The following GNAI1 variants were observed in gnomAD, a reference collection of about 807,000 sequenced individuals.
GNAI1 encodes G protein subunit alpha i1, also known as guanine nucleotide-binding protein G(i) subunit alpha-1.
Under a neutral mutation model 38.9 loss-of-function variants are expected in GNAI1, and 11 were observed. That is an observed-to-expected ratio of 0.28 (90% CI 0.18 to 0.47). The LOEUF is 0.47. GNAI1 is among the 20% of genes least tolerant of loss of function. The pLI, the probability that GNAI1 is intolerant of heterozygous loss-of-function variation, is 0.99. For synonymous variants in GNAI1, 166 were observed against 145.1 expected, an observed-to-expected ratio of 1.14 and a Z score of -1.04; for missense variants, 317 against 436.9, an observed-to-expected ratio of 0.73 and a Z score of 2.45.
intron 1 of GNAI1, among the ~76,000 whole-genome samples, chr7:80,146,310 A>G (rs1787622288): frequency 6.6e-6 from 1 of 152,170 alleles, no homozygotes; most frequent in Non-Finnish European, 1.5e-5. Context: ...CTGGGAAAGT[A>G]AGGCACTTGT....
rs942123122 is a variant in GNAI1 at position 80,225,603 on chromosome 7, G to A, written c.*8110G>A. 7.2e-5 allele frequency among the ~76,000 whole-genome samples: 11 copies of A among 152,156 alleles called. No homozygotes were observed. The highest frequency in any genetic ancestry group is 1.7e-4 in the African/African-American group (7 of 41,418). On this transcript the variant is annotated 3_prime_UTR_variant, in exon 8 of 8. Coordinates refer to ENST00000649796, the MANE Select transcript of GNAI1 (RefSeq NM_002069.6). ...TGGAAAGAGTAGCTCCCTGGAGTGT[G>A]GAGGAGGACAGGAATTTGCTATCTG... is the stretch of plus-strand genomic sequence containing the variant.
At chr7:80,212,006 T>C (rs1463330318) in intron 6 of GNAI1, among the ~76,000 whole-genome samples, 2 of 152,156 alleles carry the variant, frequency 1.3e-5, no homozygotes, top group East Asian at 1.9e-4. Flanking sequence ...CTTTTTCCTA[T>C]GTGTGGGTTC....
At chr7:80,165,799 T>G (rs913490369) in intron 1 of GNAI1, among the ~76,000 whole-genome samples, 2 of 152,266 alleles carry the variant, frequency 1.3e-5, no homozygotes, top group East Asian at 1.9e-4. Context: ...AAATTTCTGA[T>G]TTGGAAATAA....
intron 5 of GNAI1, among the ~76,000 whole-genome samples, chr7:80,209,137 T>G (rs1294163494): frequency 6.6e-6 from 1 of 152,240 alleles, no homozygotes; most frequent in African/African-American, 2.4e-5. Context: ...TGCTTAAATA[T>G]TCTTCTACCT....
intron 3 of GNAI1, among the ~76,000 whole-genome samples, chr7:80,197,768 G>A (rs1343990758): frequency 2.6e-5 from 4 of 152,036 alleles, no homozygotes; most frequent in Non-Finnish European, 5.9e-5. Context: ...CTCATGCTGA[G>A]AGACTTAATT....
intron 1 of GNAI1, among the ~76,000 whole-genome samples, chr7:80,164,679 A>G (rs1787983845): frequency 6.6e-6 from 1 of 152,194 alleles, no homozygotes. Flanking sequence ...CAGAATTGGC[A>G]GAAGTTGACT....
intron 1 of GNAI1, among the ~76,000 whole-genome samples, chr7:80,187,984 T>C (rs1283474852): frequency 3.3e-5 from 5 of 152,204 alleles, no homozygotes; most frequent in Non-Finnish European, 7.3e-5. Context: ...GGAACTCAAA[T>C]CTTGAGGAGA....
chr7:80,135,759 T>G, intron 1 of GNAI1: 1 of 980,376 alleles, frequency 1.0e-6, no homozygotes. Context: ...TTTGGTGAAA[T>G]CAGTGCACCT....
At chr7:80,184,918 G>T (rs759809045) in intron 1 of GNAI1, among the ~76,000 whole-genome samples, 9 of 152,168 alleles carry the variant, frequency 5.9e-5, no homozygotes, top group Non-Finnish European at 1.3e-4. Flanking sequence ...GTGATTAGTT[G>T]ACTGATAGTT....
At chr7:80,155,534 C>T (rs1787803484) in intron 1 of GNAI1, among the ~76,000 whole-genome samples, 1 of 152,106 alleles carries the variant, frequency 6.6e-6, no homozygotes, top group Non-Finnish European at 1.5e-5. Context: ...CTTCTGTATG[C>T]TTACCTTCCT....
rs1481758815 is a variant in GNAI1 at position 80,225,443 on chromosome 7, T to A, written c.*7950T>A. ...ATCAAAAGATTAGTGGGGTTTTTTTTAATGTTGTTATTGTGTTGTGTTTTG... is the reference window on the plus strand; with the variant it reads ...ATCAAAAGATTAGTGGGGTTTTTTTAAATGTTGTTATTGTGTTGTGTTTTG... On this transcript the variant is annotated 3_prime_UTR_variant, in exon 8 of 8. Transcript: ENST00000649796. Among the ~76,000 whole-genome samples, 2 of 152,170 alleles carry A rather than the reference T, an allele frequency of 1.3e-5. No homozygotes were observed. The highest frequency in any genetic ancestry group is 6.5e-5 in the Admixed American group (1 of 15,272).
intron 1 of GNAI1, among the ~76,000 whole-genome samples, chr7:80,150,465 C>G (rs1787704146): frequency 6.6e-6 from 1 of 152,080 alleles, no homozygotes; most frequent in South Asian, 2.1e-4. Flanking sequence ...ATGACACATT[C>G]GTATAAAGTT....
intron 5 of GNAI1, among the ~76,000 whole-genome samples, chr7:80,207,784 TAAC>T (rs1788800479): frequency 6.6e-6 from 1 of 152,100 alleles, no homozygotes; most frequent in African/African-American, 2.4e-5. Flanking sequence ...AAAATGGTAT[TAAC>T]AAATTCAAAA....
At chr7:80,149,353 T>C (rs1787685574) in intron 1 of GNAI1, among the ~76,000 whole-genome samples, 1 of 152,140 alleles carries the variant, frequency 6.6e-6, no homozygotes, top group South Asian at 2.1e-4. Context: ...GTATTCCTAA[T>C]TATTTGCTTA....
chr7:80,197,959 A>G (rs1268105719), intron 3 of GNAI1, among the ~76,000 whole-genome samples: 3 of 152,118 alleles, frequency 2.0e-5, no homozygotes, highest in Admixed American at 2.0e-4. Flanking sequence ...CTTTGGAAGA[A>G]TGCCTCTTGA....
chr7:80,160,038 G>GT (rs1346651631), intron 1 of GNAI1, among the ~76,000 whole-genome samples: 2 of 152,096 alleles, frequency 1.3e-5, no homozygotes, highest in Non-Finnish European at 2.9e-5. Context: ...AATCCCTCCT[G>GT]TTACTTGGCT....
At position 80,222,424 on chromosome 7, in the gene GNAI1, G is replaced by A. The variant is rs1196154987; in HGVS notation, c.*4931G>A. Among the ~76,000 whole-genome samples the A allele has an allele frequency of 1.0e-5, 1 of 100,070 alleles. No individual in the cohort carries two copies. The highest frequency in any genetic ancestry group is 2.0e-5 in the Non-Finnish European group (1 of 50,742). The allele number at this position is 100,070 out of a possible 152,430, so 65.6% of individuals were successfully genotyped here. A position where few individuals can be genotyped will look rare whatever the true frequency, so the allele number is the denominator to read the frequency against. Reference sequence around the variant, plus strand: ...TTTCCTGAGACAGAGTTTCGTTCTTGTTTCCCAGGCTGGAGCGCAATGGTG... The same window carrying A: ...TTTCCTGAGACAGAGTTTCGTTCTTATTTCCCAGGCTGGAGCGCAATGGTG... On this transcript the variant is annotated 3_prime_UTR_variant, in exon 8 of 8. Transcript: ENST00000649796.
intron 1 of GNAI1, among the ~76,000 whole-genome samples, chr7:80,144,909 G>A (rs1035388886): frequency 6.6e-5 from 10 of 152,174 alleles, no homozygotes; most frequent in African/African-American, 2.4e-4. Context: ...ATCAAGAAAT[G>A]TATGCAAGGT....
chr7:80,201,393 T>G lies in GNAI1; in HGVS notation c.461+2011T>G, dbSNP rs905825251. ...CCTCAGTCTCTTGTCCAAGACCCTC[T>G]CTCCTGTGCACACTACTTGGACGTG... On this transcript the variant is annotated intron_variant, in intron 4 of 7. Coordinates refer to ENST00000649796, the MANE Select transcript of GNAI1 (RefSeq NM_002069.6). 4.6e-5 allele frequency among the ~76,000 whole-genome samples: 7 copies of G among 152,230 alleles called. No homozygotes were observed. In the East Asian group the frequency reaches 1.4e-3, roughly 29 times the overall value.
Sources: allele counts gnomAD v4.1 joint callset (sites outside exome capture counted in the v4.1 genomes callset), GRCh38; gene constraint gnomAD v4.1.1; transcripts MANE v1.5; gene names NCBI Gene and HGNC (gene_info 2026-07-23, HGNC 2026-07-21).